The following TAFA1 variants were observed in gnomAD, a reference collection of about 807,000 sequenced individuals.
TAFA1 encodes the protein chemokine-like protein TAFA-1.
TAFA1 carries 4 observed loss-of-function variants against 18.5 expected under a neutral mutation model. The ratio of observed to expected loss-of-function variants is 0.22; its 90% CI spans 0.11 to 0.49. The LOEUF is 0.49. Among genes scored for constraint, TAFA1 ranks in the 20% least tolerant of loss-of-function variants. TAFA1 has a pLI of 0.98. For synonymous variants in TAFA1, 56 were observed against 55.2 expected (o/e 1.01, Z -0.06); for missense variants, 147 against 169.0 (o/e 0.87, Z 0.72).
chr3:68,335,621 A>G (rs2068957178), intron 2 of TAFA1, among the ~76,000 whole-genome samples: 1 of 152,212 alleles, frequency 6.6e-6, no homozygotes, highest in African/African-American at 2.4e-5. Flanking sequence ...ATAAAATATA[A>G]GGCATGTTTT....
At chr3:68,194,364 G>C (rs184270126) in intron 2 of TAFA1, among the ~76,000 whole-genome samples, 1 of 151,642 alleles carries the variant, frequency 6.6e-6, no homozygotes, top group East Asian at 2.0e-4. Context: ...TTTTCCCCAC[G>C]TAGATTTTTC....
At chr3:68,209,272 C>G (rs530708627) in intron 2 of TAFA1, among the ~76,000 whole-genome samples, 3 of 152,076 alleles carry the variant, frequency 2.0e-5, no homozygotes, top group Admixed American at 6.5e-5. Flanking sequence ...TACACAGAAA[C>G]AGTGCAGTGA....
At chr3:68,452,871 T>C (rs1324362166) in intron 3 of TAFA1, among the ~76,000 whole-genome samples, 1 of 152,226 alleles carries the variant, frequency 6.6e-6, no homozygotes, top group East Asian at 1.9e-4. Flanking sequence ...AAAGTACCCC[T>C]GAGTAGTTCC....
At chr3:68,415,966 T>C (rs906027716) in intron 2 of TAFA1, among the ~76,000 whole-genome samples, 3 of 152,190 alleles carry the variant, frequency 2.0e-5, no homozygotes, top group Non-Finnish European at 4.4e-5. Context: ...CTTCACAATA[T>C]CGATCTTTTG....
At chr3:67,997,765 C>A in the TAFA1 span, among the ~76,000 whole-genome samples, 3 of 151,780 alleles carry the variant, frequency 2.0e-5, no homozygotes, top group African/African-American at 7.3e-5. Context: ...ACCACTGACA[C>A]TATGTAGGAT....
At chr3:68,144,986 C>T (rs572003187) in intron 2 of TAFA1, 112 of 1,373,830 alleles carry the variant, frequency 8.2e-5, no homozygotes, top group Non-Finnish European at 9.6e-5. Context: ...TGCCTAGGCC[C>T]GGAGACCGGC....
chr3:68,182,865 C>T (rs2066221610), intron 2 of TAFA1, among the ~76,000 whole-genome samples: 1 of 151,974 alleles, frequency 6.6e-6, no homozygotes, highest in African/African-American at 2.4e-5. Context: ...ATATTTTATG[C>T]ATATGGTGGT....
intron 2 of TAFA1, among the ~76,000 whole-genome samples, chr3:68,026,406 A>G (rs746659462): frequency 2.0e-5 from 3 of 151,884 alleles, no homozygotes; most frequent in Non-Finnish European, 2.9e-5. Flanking sequence ...GCAAGTTACT[A>G]TGATTTTCAA....
At chr3:68,434,793 T>C (rs2071241479) in intron 3 of TAFA1, among the ~76,000 whole-genome samples, 1 of 152,120 alleles carries the variant, frequency 6.6e-6, no homozygotes, top group South Asian at 2.1e-4. Flanking sequence ...ACTAGTCATT[T>C]TTGCGGACTT....
At chr3:68,327,692 G>A (rs1344944974) in intron 2 of TAFA1, among the ~76,000 whole-genome samples, 1 of 152,074 alleles carries the variant, frequency 6.6e-6, no homozygotes, top group Admixed American at 6.6e-5. Flanking sequence ...CATTAGTTGG[G>A]GTATTACTGC....
At chr3:68,106,025 G>A (rs1046048457) in intron 2 of TAFA1, among the ~76,000 whole-genome samples, 1 of 151,870 alleles carries the variant, frequency 6.6e-6, no homozygotes, top group African/African-American at 2.4e-5. Context: ...TTATTCCCAG[G>A]TATGCTTGTT....
In TAFA1 at chr3:68,126,914, C is replaced by T. The variant is rs755489736; in HGVS notation, c.118+120170C>T. On this transcript the variant is annotated intron_variant, in intron 2 of 4. Coordinates refer to ENST00000478136, the MANE Select transcript of TAFA1 (RefSeq NM_213609.4). ...CACGACCTCTTCAAGGCAATGGGTT[C>T]GTAATTTCATCTTTTCTAGAGGAAA... is the stretch of plus-strand genomic sequence containing the variant. 7.0e-4 allele frequency among the ~76,000 whole-genome samples: 106 copies of T among 152,096 alleles called. 2 individuals are homozygous for T. The highest frequency in any genetic ancestry group is 2.4e-4 in the African/African-American group (10 of 41,396).
At chr3:68,184,750 G>T (rs1208612560) in intron 2 of TAFA1, among the ~76,000 whole-genome samples, 1 of 152,030 alleles carries the variant, frequency 6.6e-6, no homozygotes, top group South Asian at 2.1e-4. Flanking sequence ...AAGATATCAG[G>T]CCCAAAGAAT....
chr3:68,204,314 G>A (rs2066501520), intron 2 of TAFA1, among the ~76,000 whole-genome samples: 1 of 151,786 alleles, frequency 6.6e-6, no homozygotes, highest in African/African-American at 2.4e-5. Flanking sequence ...CCTTTGGGCT[G>A]GCTTAATTCT....
chr3:68,067,615 T>G (rs2064696660), intron 2 of TAFA1, among the ~76,000 whole-genome samples: 1 of 152,238 alleles, frequency 6.6e-6, no homozygotes, highest in African/African-American at 2.4e-5. Context: ...TTATTTTTAC[T>G]GTGTTGTTAT....
intron 2 of TAFA1, among the ~76,000 whole-genome samples, chr3:68,339,584 C>T (rs1459393767): frequency 6.6e-6 from 1 of 152,158 alleles, no homozygotes; most frequent in Non-Finnish European, 1.5e-5. Context: ...TTTGGTAGAG[C>T]TGTGACTTAC....
At chr3:68,409,106 C>T (rs2070665122) in intron 2 of TAFA1, among the ~76,000 whole-genome samples, 1 of 152,136 alleles carries the variant, frequency 6.6e-6, no homozygotes, top group Non-Finnish European at 1.5e-5. Context: ...TCAGGAAGGC[C>T]ACCACAGCAA....
intron 2 of TAFA1, among the ~76,000 whole-genome samples, chr3:68,395,898 T>C (rs1448466191): frequency 2.6e-5 from 4 of 152,026 alleles, no homozygotes; most frequent in Admixed American, 6.6e-5. Context: ...GGCACATGTA[T>C]ACCTATGTAA....
chr3:68,487,141 G>A (rs1575914049), intron 3 of TAFA1, among the ~76,000 whole-genome samples: 2 of 152,300 alleles, frequency 1.3e-5, no homozygotes, highest in South Asian at 4.1e-4. Flanking sequence ...AAATAAGAGA[G>A]AATGTCAATT....
Sources: gnomAD v4.1 joint callset for allele counts (sites outside exome capture counted in the v4.1 genomes callset) on GRCh38, gnomAD v4.1.1 for gene constraint, MANE v1.5 for transcripts, NCBI Gene and HGNC (gene_info 2026-07-23, HGNC 2026-07-21) for gene names.